Variants in TMEM178A observed in about 807,000 individuals in gnomAD.
The protein encoded by TMEM178A is transmembrane protein 178A, also known as transmembrane protein 178.
Under a neutral mutation model 29.1 loss-of-function variants are expected in TMEM178A, and 12 were observed. That is an observed-to-expected ratio of 0.41 (90% CI 0.26 to 0.67). TMEM178A has a LOEUF of 0.67. Ranked by LOEUF, TMEM178A falls within the 30% of genes least tolerant of loss-of-function variation. The probability of loss-of-function intolerance (pLI) is 0.29; values close to 1 mark genes in which losing one functional copy is unlikely to be tolerated. For missense variants in TMEM178A, 366 were observed against 419.1 expected (o/e 0.87, Z 1.11); for synonymous variants, 210 against 187.2 (o/e 1.12, Z -0.99).
At chr2:39,695,611 G>A (rs1344596343) in intron 1 of TMEM178A, among the ~76,000 whole-genome samples, 1 of 151,820 alleles carries the variant, frequency 6.6e-6, no homozygotes, top group East Asian at 1.9e-4. Flanking sequence ...TGGACATGAT[G>A]TTGCCAGGGG....
At chr2:39,673,567 C>G (rs1226021110) in intron 1 of TMEM178A, among the ~76,000 whole-genome samples, 14 of 152,086 alleles carry the variant, frequency 9.2e-5, no homozygotes, top group Non-Finnish European at 5.9e-5. Context: ...CATTCTATAG[C>G]TAGGGAAGAG....
chr2:39,708,713 G>C (rs1034238410), intron 3 of TMEM178A, among the ~76,000 whole-genome samples: 1 of 152,088 alleles, frequency 6.6e-6, no homozygotes, highest in African/African-American at 2.4e-5. Flanking sequence ...CACCGCGCCC[G>C]GCCGATTTTT....
chr2:39,717,509 A>G lies in TMEM178A; in HGVS notation c.*258A>G. Reference sequence around the variant, plus strand: ...TGCCATGGGACATTTCTAGGTGTAGAGAAAGAAGAAACTGCAATGGAAAAA... The same window carrying G: ...TGCCATGGGACATTTCTAGGTGTAGGGAAAGAAGAAACTGCAATGGAAAAA... On this transcript the variant is annotated 3_prime_UTR_variant, in exon 4 of 4. Coordinates refer to ENST00000281961, the MANE Select transcript of TMEM178A (RefSeq NM_152390.3). 8.4e-6 allele frequency: 3 copies of G among 356,326 alleles called. No homozygotes were observed. The highest frequency in any genetic ancestry group is 1.5e-5 in the Non-Finnish European group (3 of 201,792). 22.1% of individuals were successfully genotyped at this position (356,326 alleles called of 1,614,324 possible).
chr2:39,719,871 C>T (rs1450105422), downstream of TMEM178A, among the ~76,000 whole-genome samples: 4 of 152,132 alleles, frequency 2.6e-5, no homozygotes, highest in East Asian at 1.9e-4. Flanking sequence ...CTCCACAGAA[C>T]ATAATAGCCC....
At chr2:39,707,871 C>T (rs1672107562) in intron 3 of TMEM178A, among the ~76,000 whole-genome samples, 1 of 152,210 alleles carries the variant, frequency 6.6e-6, no homozygotes, top group African/African-American at 2.4e-5. Context: ...GATAGATCAG[C>T]ACAACCCATG....
At chr2:39,703,507 T>G (rs899279828) in intron 1 of TMEM178A, among the ~76,000 whole-genome samples, 9 of 152,218 alleles carry the variant, frequency 5.9e-5, no homozygotes, top group Admixed American at 5.9e-4. Flanking sequence ...ACTTCTAGTA[T>G]TACCCTTTTT....
intron 3 of TMEM178A, 90 bp from the exon 4 acceptor site, chr2:39,716,920 T>C (rs1487664009): frequency 1.4e-6 from 2 of 1,445,792 alleles, no homozygotes; most frequent in Non-Finnish European, 1.9e-6. Flanking sequence ...CCTCAGTGGT[T>C]GATCTGATTT....
intron 1 of TMEM178A, among the ~76,000 whole-genome samples, chr2:39,699,026 ATT>A (rs112782718): frequency 1.7e-4 from 23 of 135,292 alleles, no homozygotes; most frequent in Middle Eastern, 4.0e-3. Context: ...TTCATTCCTG[ATT>A]TTTTTTTTTT....
At chr2:39,673,518 A>T (rs1402920108) in intron 1 of TMEM178A, among the ~76,000 whole-genome samples, 1 of 152,194 alleles carries the variant, frequency 6.6e-6, no homozygotes, top group African/African-American at 2.4e-5. Context: ...AACCTAAAGG[A>T]TGTAATATAT....
chr2:39,718,697 G>C (rs980421562), downstream of TMEM178A, among the ~76,000 whole-genome samples: 1 of 151,176 alleles, frequency 6.6e-6, no homozygotes, highest in African/African-American at 2.4e-5. Context: ...TTTTTTTCTC[G>C]ATCCTTTTTC....
chr2:39,678,533 C>T (rs913441603), intron 1 of TMEM178A, among the ~76,000 whole-genome samples: 2 of 151,854 alleles, frequency 1.3e-5, no homozygotes, highest in Admixed American at 6.6e-5. Context: ...TTAGGCAAAC[C>T]CACAGAGACA....
intron 2 of TMEM178A, among the ~76,000 whole-genome samples, chr2:39,706,615 C>T (rs943217924): frequency 7.8e-6 from 1 of 128,822 alleles, no homozygotes; most frequent in Admixed American, 8.0e-5. Context: ...AGGGTAGTAA[C>T]CTACATTTCT....
intron 3 of TMEM178A, among the ~76,000 whole-genome samples, chr2:39,712,041 T>TGTG (rs140373987): frequency 2.2e-5 from 3 of 139,348 alleles, no homozygotes; most frequent in East Asian, 2.2e-4. Flanking sequence ...GAATTGCATT[T>TGTG]TGTGTGTGTG....
chr2:39,699,375 CT>C (rs1558457613), intron 1 of TMEM178A, among the ~76,000 whole-genome samples: 1 of 151,984 alleles, frequency 6.6e-6, no homozygotes, highest in Non-Finnish European at 1.5e-5. Context: ...TCCACCCTAG[CT>C]TTGTAATCTC....
At chr2:39,688,528 G>A (rs72934277) in intron 1 of TMEM178A, among the ~76,000 whole-genome samples, 6,110 of 152,282 alleles carry the variant, frequency 0.04, 274 homozygotes, top group African/African-American at 0.11. Flanking sequence ...AACTCTTGTT[G>A]CAGCATCTAA....
chr2:39,704,016 C>T, intron 1 of TMEM178A, 65 bp from the exon 2 acceptor site: 1 of 1,391,996 alleles, frequency 7.2e-7, no homozygotes. Context: ...GGTATTCTGC[C>T]TCAGGTCTCA....
At chr2:39,729,214 G>A in the TMEM178A span, among the ~76,000 whole-genome samples, 1 of 152,178 alleles carries the variant, frequency 6.6e-6, no homozygotes, top group African/African-American at 2.4e-5. Context: ...CCCTGCCGGG[G>A]ATCCACACCA....
At position 39,666,255 on chromosome 2, in the gene TMEM178A, TG is replaced by T; in HGVS notation, c.285del (p.Leu96SerfsTer37). 2 of 1,384,568 alleles carry T rather than the reference TG, an allele frequency of 1.4e-6. No individual in the cohort carries two copies. The highest frequency in any genetic ancestry group is 1.9e-6 in the Non-Finnish European group (2 of 1,070,066). The allele number at this position is 1,384,568 out of a possible 1,614,324, so 85.8% of individuals were successfully genotyped here. On this transcript the variant is annotated frameshift_variant, in exon 1 of 4. Coordinates refer to ENST00000281961, the MANE Select transcript of TMEM178A (RefSeq NM_152390.3). LOFTEE classifies it high-confidence loss of function. ...RADPESWRSL[L>X]GLGGLDAECG... ...GACCCCGAGTCCTGGCGCTCGCTCC[TG>T]GGGCTCGGCGGGCTGGACGCCGAGT...
intron 1 of TMEM178A, among the ~76,000 whole-genome samples, chr2:39,693,742 C>G (rs1188863480): frequency 6.6e-6 from 1 of 152,158 alleles, no homozygotes; most frequent in African/African-American, 2.4e-5. Context: ...CCAGATAAGT[C>G]ACCAACTGTA....
Sources: allele counts gnomAD v4.1 joint callset (sites outside exome capture counted in the v4.1 genomes callset), GRCh38; gene constraint gnomAD v4.1.1; transcripts MANE v1.5; gene names NCBI Gene and HGNC (gene_info 2026-07-23, HGNC 2026-07-21).